RBFOX1: variants seen among roughly 807,000 people sequenced by gnomAD.
RBFOX1 encodes RNA binding fox-1 homolog 1, also known as RNA binding protein fox-1 homolog 1.
RBFOX1 carries 8 observed loss-of-function variants against 57.7 expected under a neutral mutation model. That is an observed-to-expected ratio of 0.14 (90% CI 0.08 to 0.25). The LOEUF (loss-of-function observed/expected upper bound fraction) is 0.25, where lower values mean the gene tolerates loss of function less well. RBFOX1 is among the 10% of genes least tolerant of loss of function. The pLI, the probability that RBFOX1 is intolerant of heterozygous loss-of-function variation, is 1.00. For missense variants in RBFOX1, 611 were observed against 548.5 expected (o/e 1.11, Z -1.14); for synonymous variants, 326 against 222.4 (o/e 1.47, Z -4.15).
chr16:6,523,936 A>C (rs1369406934), intron 2 of RBFOX1, among the ~76,000 whole-genome samples: 1 of 152,218 alleles, frequency 6.6e-6, no homozygotes, highest in Non-Finnish European at 1.5e-5. Context: ...ACAGGGATAC[A>C]ATGTGTAATA....
chr16:7,172,263 C>T (rs1442961684), intron 4 of RBFOX1, among the ~76,000 whole-genome samples: 1 of 152,098 alleles, frequency 6.6e-6, no homozygotes, highest in Non-Finnish European at 1.5e-5. Context: ...ATAGGGTTTT[C>T]AAACCCCATC....
At chr16:6,735,998 T>G (rs1603479305) in intron 3 of RBFOX1, among the ~76,000 whole-genome samples, 1 of 34 alleles carries the variant, frequency 0.029, no homozygotes, top group Admixed American at 0.5. Context: ...TCAAGGGTAA[T>G]TAACTTCTTC....
chr16:6,404,476 G>A (rs1388083818), intron 2 of RBFOX1, among the ~76,000 whole-genome samples: 1 of 152,118 alleles, frequency 6.6e-6, no homozygotes, highest in Admixed American at 6.5e-5. Context: ...AAGTAACTTG[G>A]TTCCAAAAGA....
At chr16:6,714,945 T>A (rs1411256975) in intron 3 of RBFOX1, among the ~76,000 whole-genome samples, 1 of 152,168 alleles carries the variant, frequency 6.6e-6, no homozygotes, top group African/African-American at 2.4e-5. Context: ...ACTTAAGTTG[T>A]AGAGGCACCT....
intron 3 of RBFOX1, among the ~76,000 whole-genome samples, chr16:5,779,371 G>A (rs1241411563): frequency 6.6e-6 from 1 of 152,112 alleles, no homozygotes; most frequent in Non-Finnish European, 1.5e-5. Context: ...TAGCACGAAA[G>A]CATTTTCATC....
intron 1 of RBFOX1, among the ~76,000 whole-genome samples, chr16:6,043,484 C>T (rs888371788): frequency 2.6e-5 from 4 of 152,140 alleles, no homozygotes; most frequent in Non-Finnish European, 5.9e-5. Flanking sequence ...ATCTTATTCC[C>T]AAAGAGTCTG....
intron 5 of RBFOX1, among the ~76,000 whole-genome samples, chr16:7,535,898 C>G (rs2081348946): frequency 1.3e-5 from 2 of 152,170 alleles, no homozygotes; most frequent in Admixed American, 1.3e-4. Context: ...GTGTATTGTT[C>G]ATTTATTCCT....
At chr16:6,408,899 T>G (rs2093370763) in intron 2 of RBFOX1, among the ~76,000 whole-genome samples, 1 of 152,230 alleles carries the variant, frequency 6.6e-6, no homozygotes, top group Admixed American at 6.5e-5. Flanking sequence ...CTTCATGTAA[T>G]TAATCATTGC....
Position 5,785,161 on chromosome 16 carries a change from G to A in RBFOX1, c.319-82142G>A, listed in dbSNP as rs1053110828. On this transcript the variant is annotated intron_variant, in intron 3 of 19. Coordinates refer to the RBFOX1 transcript ENST00000641259. The stretch of plus-strand genomic sequence containing the variant: ...TTCCCAGGACGGGTGTTAAAGAGAC[G>A]GGACATTCAACGGTCCTTGCTATGT... Among the ~76,000 whole-genome samples the A allele has an allele frequency of 4.6e-5, 7 of 152,162 alleles. No individual in the cohort carries two copies. The East Asian group carries it at 9.6e-4, about 21-fold the overall frequency.
chr16:5,826,901 G>C (rs1340508260), intron 3 of RBFOX1, among the ~76,000 whole-genome samples: 1 of 152,140 alleles, frequency 6.6e-6, no homozygotes, highest in African/African-American at 2.4e-5. Flanking sequence ...CTGAATCCTT[G>C]ACCAATAGTG....
intron 3 of RBFOX1, among the ~76,000 whole-genome samples, chr16:5,622,693 G>C (rs1195941942): frequency 6.6e-6 from 1 of 152,230 alleles, no homozygotes; most frequent in African/African-American, 2.4e-5. Flanking sequence ...ATGTATTGTG[G>C]CTTTCCTGCT....
At chr16:6,607,052 T>C (rs898973415) in intron 2 of RBFOX1, among the ~76,000 whole-genome samples, 14 of 152,150 alleles carry the variant, frequency 9.2e-5, no homozygotes, top group Non-Finnish European at 2.1e-4. Flanking sequence ...TCGCCAAAAA[T>C]GGCTATACAT....
intron 2 of RBFOX1, among the ~76,000 whole-genome samples, chr16:5,479,865 C>T (rs1482338973): frequency 1.3e-5 from 2 of 152,158 alleles, no homozygotes; most frequent in Non-Finnish European, 2.9e-5. Flanking sequence ...AATTTGCTTC[C>T]TGTTTCCCAC....
intron 4 of RBFOX1, among the ~76,000 whole-genome samples, chr16:5,934,950 T>G (rs2059138165): frequency 6.6e-6 from 1 of 152,148 alleles, no homozygotes; most frequent in African/African-American, 2.4e-5. Context: ...AACACACCTG[T>G]GGGTAATTAA....
chr16:6,298,512 G>A (rs60927007), intron 1 of RBFOX1, among the ~76,000 whole-genome samples: 32,352 of 152,070 alleles, frequency 0.21, 3,926 homozygotes, highest in Non-Finnish European at 0.28. Context: ...GTGACTGCTG[G>A]TAAGCCTTGA....
chr16:7,337,122 A>G (rs1283030055), intron 4 of RBFOX1, among the ~76,000 whole-genome samples: 1 of 152,160 alleles, frequency 6.6e-6, no homozygotes, highest in African/African-American at 2.4e-5. Flanking sequence ...CCTATGGAGA[A>G]CCTAAAACCT....
intron 1 of RBFOX1, among the ~76,000 whole-genome samples, chr16:6,064,541 T>A (rs116383130): frequency 0.027 from 4,148 of 152,200 alleles, 82 homozygotes; most frequent in Middle Eastern, 0.075. Context: ...TTTTCTTTTT[T>A]TTATTATTAT....
At chr16:6,655,466 C>A (rs938006596) in intron 3 of RBFOX1, among the ~76,000 whole-genome samples, 1 of 147,794 alleles carries the variant, frequency 6.8e-6, no homozygotes, top group Non-Finnish European at 1.5e-5. Flanking sequence ...AGCGTCCTAT[C>A]TGAGATTAAG....
chr16:7,698,891 A>C (rs1201202161), intron 14 of RBFOX1, among the ~76,000 whole-genome samples: 1 of 152,212 alleles, frequency 6.6e-6, no homozygotes, highest in Non-Finnish European at 1.5e-5. Context: ...TGTGCAATCA[A>C]TTTGTGAAAA....
Sources: allele counts gnomAD v4.1 joint callset (sites outside exome capture counted in the v4.1 genomes callset), GRCh38; gene constraint gnomAD v4.1.1; transcripts MANE v1.5; gene names NCBI Gene and HGNC (gene_info 2026-07-23, HGNC 2026-07-21).